The following UBA1 variants were observed in gnomAD, a reference collection of about 807,000 sequenced individuals.
UBA1 encodes ubiquitin like modifier activating enzyme 1, also known as ubiquitin-like modifier-activating enzyme 1.
UBA1 carries 4 observed loss-of-function variants against 84.7 expected under a neutral mutation model. That is an observed-to-expected ratio of 0.05 (90% confidence interval 0.02 to 0.11). UBA1 has a LOEUF of 0.11. Among genes scored for constraint, UBA1 ranks in the 10% least tolerant of loss-of-function variants. UBA1 has a pLI of 1.00. For missense variants in UBA1, 513 were observed against 902.8 expected, an observed-to-expected ratio of 0.57 and a Z score of 5.53; for synonymous variants, 364 against 362.6, an observed-to-expected ratio of 1.00 and a Z score of -0.04.
intron 1 of UBA1, among the ~76,000 whole-genome samples, chrX:47,194,363 G>C (rs1424180934): frequency 8.9e-6 from 1 of 112,255 alleles, no homozygotes; most frequent in Non-Finnish European, 1.9e-5. Flanking sequence ...GATTTACGTG[G>C]ATCAGCATTG....
chrX:47,191,893 C>T (rs1936070023), upstream of UBA1, among the ~76,000 whole-genome samples: 1 of 111,870 alleles, frequency 8.9e-6, no homozygotes. Flanking sequence ...GATGAGGCCT[C>T]CTACATTGTT....
intron 6 of UBA1, 73 bp from the exon 7 acceptor site, chrX:47,201,203 T>C: frequency 1.0e-6 from 1 of 994,602 alleles, no homozygotes; most frequent in Non-Finnish European, 1.4e-6. Flanking sequence ...AAGTTTTCAC[T>C]ACATCTTGAG....
chrX:47,211,519 C>T (rs1556793422), intron 20 of UBA1, among the ~76,000 whole-genome samples: 1 of 111,323 alleles, frequency 9.0e-6, no homozygotes, highest in Non-Finnish European at 1.9e-5. Context: ...TTGATCTGTT[C>T]ATCTAGGAGG....
rs370227050 is a variant in UBA1 at position 47,210,930 on chromosome X, C to T, written c.2274+14C>T. ...GATGTCAACAATGTAAGTCTCCTTTCTAGGGTCTTCTGGGGTCAGGTGGAG... is the reference window on the plus strand; with the variant it reads ...GATGTCAACAATGTAAGTCTCCTTTTTAGGGTCTTCTGGGGTCAGGTGGAG... On this transcript the variant is annotated intron_variant, in intron 19 of 25. Coordinates refer to ENST00000335972, the MANE Select transcript of UBA1 (RefSeq NM_003334.4). The T allele has an allele frequency of 3.3e-6, 4 of 1,209,016 alleles. No homozygotes were observed. In the African/African-American group the frequency reaches 5.3e-5, roughly 16 times the overall value.
At chrX:47,198,682 T>G (rs1936291680) in intron 1 of UBA1, 121 bp from the exon 2 acceptor site, 3 of 675,438 alleles carry the variant, frequency 4.4e-6, no homozygotes. Context: ...GCCTGTCCCC[T>G]CTTTGCTGTA....
chrX:47,210,760 C>T, intron 18 of UBA1, 82 bp from the exon 19 acceptor site: 1 of 1,034,071 alleles, frequency 9.7e-7, no homozygotes. Context: ...GGGGGCACAT[C>T]TGGGGCCTAG....
At position 47,206,261 on chromosome X, in the gene UBA1, C is replaced by T; in HGVS notation, c.1755C>T (p.Asp585=). The T allele has an allele frequency of 3.3e-6, 4 of 1,205,346 alleles. No individual in the cohort carries two copies. Among genetic ancestry groups the T allele is most frequent in the Non-Finnish European group, 4.5e-6 (4 of 892,078 alleles). The part of the protein sequence containing the change: ...LDNVDARMYM[D]RRCVYYRKPL... ...TGCTCCCCACAGGCATGTACATGGA[C>T]CGCCGCTGTGTCTACTACCGGAAGC... The change falls in exon 16 of 26, where the codon GAC becomes GAT. Residue 585 remains aspartate (D), a synonymous_variant. Coordinates refer to ENST00000335972, the MANE Select transcript of UBA1 (RefSeq NM_003334.4).
In UBA1 at chrX:47,210,160, GT is replaced by G; in HGVS notation, c.2199+40del. ...TTGTTGGGTCCATTTGGCAGAATGT[GT>G]TTCCCTGAAATGGGAGCCTGCAGTG... On this transcript the variant is annotated intron_variant, in intron 18 of 25. Coordinates refer to ENST00000335972, the MANE Select transcript of UBA1 (RefSeq NM_003334.4). 2.5e-6 allele frequency: 3 copies of G among 1,202,821 alleles called. No homozygotes were observed. In the African/African-American group the frequency reaches 5.2e-5, roughly 21 times the overall value.
At chrX:47,205,103 C>T (rs998172208) in intron 14 of UBA1, 8 of 149,541 alleles carry the variant, frequency 5.3e-5, no homozygotes, top group Middle Eastern at 2.6e-3. Flanking sequence ...GGCCTGAGTT[C>T]TGCAAAGACC....
At chrX:47,205,568 T>G in intron 14 of UBA1, 1 of 348,469 alleles carries the variant, frequency 2.9e-6, no homozygotes, top group Non-Finnish European at 5.7e-6. Flanking sequence ...AGACAGCCCT[T>G]TATAGGTGTT....
At chrX:47,205,214 G>A (rs1454666873) in intron 14 of UBA1, 4 of 219,509 alleles carry the variant, frequency 1.8e-5, no homozygotes, top group Non-Finnish European at 3.4e-5. Context: ...TACGGTAAGT[G>A]GAGGTGGGAT....
intron 20 of UBA1, 92 bp downstream of exon 20, chrX:47,211,317 C>G: frequency 2.0e-6 from 2 of 1,004,544 alleles, no homozygotes; most frequent in Non-Finnish European, 2.8e-6. Context: ...TGGTTCTGCT[C>G]TGCTCTGTGA....
chrX:47,211,265 T>G (rs782344635), intron 20 of UBA1, 40 bp downstream of exon 20: 2 of 1,187,268 alleles, frequency 1.7e-6, no homozygotes, highest in Admixed American at 4.3e-5. Flanking sequence ...TCACCCCACA[T>G]GTCCCCGGCC....
intron 17 of UBA1, 112 bp from the exon 18 acceptor site, chrX:47,209,816 C>CA: frequency 5.5e-6 from 6 of 1,085,425 alleles, no homozygotes; most frequent in Non-Finnish European, 6.4e-6. Context: ...GTTGGGGCCT[C>CA]ATGTTGTTTG....
In UBA1 at chrX:47,214,545, C is replaced by G; in HGVS notation, c.2949C>G (p.His983Gln). The change falls in exon 25 of 26, where the codon CAC becomes CAG. Residue 983 changes from histidine to glutamine, a missense_variant. Coordinates refer to ENST00000335972, the MANE Select transcript of UBA1 (RefSeq NM_003334.4). ...TCCCCCTCCCTCTCCAGACAGAGCA[C>G]AAATTAGAGATCACCATGCTGTCCC... ...KQFLDYFKTE[H>Q]KLEITMLSQG... 8.3e-7 allele frequency: 1 copy of G among 1,211,036 alleles called. No individual in the cohort carries two copies. The highest frequency in any genetic ancestry group is 1.1e-6 in the Non-Finnish European group (1 of 894,923).
At chrX:47,195,298 G>A (rs1279056838) in intron 1 of UBA1, among the ~76,000 whole-genome samples, 1 of 110,853 alleles carries the variant, frequency 9.0e-6, no homozygotes, top group African/African-American at 3.3e-5. Flanking sequence ...CGTCCAGGCT[G>A]GAGTGCAGTG....
intron 5 of UBA1, among the ~76,000 whole-genome samples, 181 bp from the exon 6 acceptor site, chrX:47,200,713 A>G (rs1316558425): frequency 1.8e-5 from 2 of 112,081 alleles, no homozygotes; most frequent in African/African-American, 3.2e-5. Context: ...GGTATAGTCC[A>G]GGGGTTCATT....
At position 47,202,834 on chromosome X, in the gene UBA1, G is replaced by C. The variant is rs180764764; in HGVS notation, c.1233+20G>C. The C allele has an allele frequency of 4.7e-5, 56 of 1,201,937 alleles. No homozygotes were observed. In the African/African-American group the frequency reaches 9.1e-4, roughly 20 times the overall value. Reference sequence around the variant, plus strand: ...ATGAAGGTCAGCACGGGTGGGGAGAGGCAGGATTGGGGTGGGCCAGGTTCC... The same window carrying C: ...ATGAAGGTCAGCACGGGTGGGGAGACGCAGGATTGGGGTGGGCCAGGTTCC... On this transcript the variant is annotated intron_variant, in intron 11 of 25. Coordinates refer to ENST00000335972, the MANE Select transcript of UBA1 (RefSeq NM_003334.4).
intron 14 of UBA1, among the ~76,000 whole-genome samples, chrX:47,204,434 G>C (rs1556789916): frequency 9.0e-6 from 1 of 111,207 alleles, no homozygotes; most frequent in Admixed American, 9.5e-5. Flanking sequence ...ACAGCAACAA[G>C]GTGTAACAAG....
Sources: allele counts gnomAD v4.1 joint callset (sites outside exome capture counted in the v4.1 genomes callset), GRCh38; gene constraint gnomAD v4.1.1; transcripts MANE v1.5; gene names NCBI Gene and HGNC (gene_info 2026-07-23, HGNC 2026-07-21).